MAGI1: variants seen among roughly 807,000 people sequenced by gnomAD.
MAGI1 encodes the protein membrane associated guanylate kinase, WW and PDZ domain containing 1, also known as membrane-associated guanylate kinase, WW and PDZ domain-containing protein 1.
Under a neutral mutation model 139.9 loss-of-function variants are expected in MAGI1, and 58 were observed. The observed-to-expected ratio is 0.41, with a 90% CI of 0.34 to 0.52. MAGI1 has a LOEUF of 0.52. Among genes scored for constraint, MAGI1 ranks in the 20% least tolerant of loss-of-function variants. The pLI is 0.12. For synonymous variants in MAGI1, 812 were observed against 737.9 expected (o/e 1.10, Z -1.63); for missense variants, 1,874 against 1,901.6 (o/e 0.99, Z 0.27).
intron 1 of MAGI1, among the ~76,000 whole-genome samples, chr3:65,740,642 T>A (rs1313042306): frequency 6.6e-6 from 1 of 152,218 alleles, no homozygotes; most frequent in African/African-American, 2.4e-5. Context: ...TTACTGTTCA[T>A]TATTTTGCAT....
chr3:65,695,246 T>C (rs1472161358), intron 1 of MAGI1, among the ~76,000 whole-genome samples: 4 of 152,114 alleles, frequency 2.6e-5, no homozygotes, highest in African/African-American at 7.2e-5. Flanking sequence ...GGATAAAAGA[T>C]GTATTTTAGG....
chr3:65,806,743 G>A (rs2040881346), intron 1 of MAGI1, among the ~76,000 whole-genome samples: 1 of 152,180 alleles, frequency 6.6e-6, no homozygotes, highest in Non-Finnish European at 1.5e-5. Context: ...CTGAAAATTA[G>A]TTTATATCAA....
intron 2 of MAGI1, among the ~76,000 whole-genome samples, chr3:65,496,678 G>C (rs1952481450): frequency 6.6e-6 from 1 of 152,166 alleles, no homozygotes; most frequent in Non-Finnish European, 1.5e-5. Flanking sequence ...AGAGCATCAG[G>C]GGGATGGAGA....
intron 13 of MAGI1, among the ~76,000 whole-genome samples, chr3:65,400,863 T>C (rs1412723680): frequency 6.8e-6 from 1 of 146,352 alleles, no homozygotes; most frequent in Non-Finnish European, 1.5e-5. Flanking sequence ...AGCAAGGAAA[T>C]GTCCTATTCT....
intron 1 of MAGI1, among the ~76,000 whole-genome samples, chr3:65,631,608 T>A (rs369195895): frequency 6.6e-6 from 1 of 152,188 alleles, no homozygotes; most frequent in African/African-American, 2.4e-5. Context: ...TTAAGGCCCT[T>A]GATACAAATT....
chr3:66,020,026 T>C (rs1018107048), intron 1 of MAGI1, among the ~76,000 whole-genome samples: 3 of 152,144 alleles, frequency 2.0e-5, no homozygotes, highest in African/African-American at 7.2e-5. Flanking sequence ...CATCAATGAT[T>C]AGGGATTGCA....
At chr3:65,837,958 A>C (rs2108323870) in intron 1 of MAGI1, among the ~76,000 whole-genome samples, 1 of 152,358 alleles carries the variant, frequency 6.6e-6, no homozygotes, top group South Asian at 2.1e-4. Flanking sequence ...GATGGAACAG[A>C]GAAGTTGTGC....
chr3:65,637,604 GAAAGA>G (rs1553684105), intron 1 of MAGI1, among the ~76,000 whole-genome samples: 1 of 145,978 alleles, frequency 6.9e-6, no homozygotes, highest in Non-Finnish European at 1.5e-5. Context: ...AAGAAAGAAA[GAAAGA>G]AAGAAAGAAA....
intron 1 of MAGI1, among the ~76,000 whole-genome samples, chr3:65,735,174 CATTTA>C (rs1264230049): frequency 2.0e-5 from 3 of 152,054 alleles, no homozygotes; most frequent in Non-Finnish European, 4.4e-5. Flanking sequence ...GTATTCCTAG[CATTTA>C]ATTTTTTTCT....
intron 12 of MAGI1, among the ~76,000 whole-genome samples, chr3:65,411,565 G>A (rs1945795314): frequency 6.6e-6 from 1 of 152,126 alleles, no homozygotes; most frequent in Non-Finnish European, 1.5e-5. Flanking sequence ...CCTTTTCTGG[G>A]TTGGAAAAAC....
At chr3:65,862,271 A>T (rs996069120) in intron 1 of MAGI1, among the ~76,000 whole-genome samples, 4 of 152,206 alleles carry the variant, frequency 2.6e-5, no homozygotes, top group Non-Finnish European at 1.5e-5. Flanking sequence ...TTTCTTCTAT[A>T]AAATGGGGAA....
At chr3:65,517,907 A>G (rs2107788224) in intron 2 of MAGI1, among the ~76,000 whole-genome samples, 1 of 152,162 alleles carries the variant, frequency 6.6e-6, no homozygotes, top group Admixed American at 6.5e-5. Flanking sequence ...CTGTTGAAAA[A>G]CCTAGTATGA....
Position 65,461,367 on chromosome 3 carries a change from C to A in MAGI1, c.960-8027G>T, listed in dbSNP as rs375557620. Among the ~76,000 whole-genome samples, 9 of 152,080 alleles carry A rather than the reference C, an allele frequency of 5.9e-5. No individual in the cohort carries two copies. The South Asian group carries it at 1.9e-3, about 32-fold the overall frequency. ...AGTAGCTGGAACTATAGGCTCGTGC[C>A]AATACACCCGCCTAGTTTTTTGTAT... On this transcript the variant is annotated intron_variant, in intron 5 of 22. Coordinates refer to ENST00000402939, the MANE Select transcript of MAGI1 (RefSeq NM_001033057.2).
At chr3:65,733,479 G>C (rs980415533) in intron 1 of MAGI1, among the ~76,000 whole-genome samples, 1 of 152,198 alleles carries the variant, frequency 6.6e-6, no homozygotes, top group Non-Finnish European at 1.5e-5. Context: ...ATATCTTGAA[G>C]ATTTAGCCCA....
In MAGI1 at chr3:65,395,237, T is replaced by C. The variant is rs563101489; in HGVS notation, c.2200-3879A>G. Among the ~76,000 whole-genome samples, 4 of 152,270 alleles carry C rather than the reference T, an allele frequency of 2.6e-5. No individual in the cohort carries two copies. The East Asian group carries it at 5.8e-4, about 22-fold the overall frequency. On this transcript the variant is annotated intron_variant, in intron 13 of 22. Transcript: ENST00000402939. The stretch of plus-strand genomic sequence containing the variant: ...CCCTGGGAATGTATCTAAGTGTGTG[T>C]ATACATAGTGTGTGTAGATGAATAT...
At chr3:65,864,455 A>G (rs1010952572) in intron 1 of MAGI1, among the ~76,000 whole-genome samples, 2 of 152,176 alleles carry the variant, frequency 1.3e-5, no homozygotes, top group African/African-American at 4.8e-5. Context: ...TTGCTCACCA[A>G]CTACAAAAAT....
At chr3:65,977,765 GC>G (rs2065341476) in intron 1 of MAGI1, among the ~76,000 whole-genome samples, 2 of 151,744 alleles carry the variant, frequency 1.3e-5, no homozygotes, top group South Asian at 4.2e-4. Flanking sequence ...GACCTGAAAG[GC>G]CCTACAGGCC....
At chr3:65,609,792 G>C in intron 2 of MAGI1, 1 of 340,188 alleles carries the variant, frequency 2.9e-6, no homozygotes, top group Non-Finnish European at 6.0e-6. Flanking sequence ...GCCCAGGCTG[G>C]TCTCAAACTC....
At chr3:65,969,116 G>A (rs1448351005) in intron 1 of MAGI1, among the ~76,000 whole-genome samples, 2 of 152,164 alleles carry the variant, frequency 1.3e-5, no homozygotes, top group African/African-American at 4.8e-5. Flanking sequence ...AGAACCCAAG[G>A]GAAGAATTGA....
Sources: gnomAD v4.1 joint callset for allele counts (sites outside exome capture counted in the v4.1 genomes callset) on GRCh38, gnomAD v4.1.1 for gene constraint, MANE v1.5 for transcripts, NCBI Gene and HGNC (gene_info 2026-07-23, HGNC 2026-07-21) for gene names.